L3MBTL1: variants seen among roughly 807,000 people sequenced by gnomAD.
L3MBTL1 encodes the protein lethal(3)malignant brain tumor-like protein 1.
Under a neutral mutation model 105.3 loss-of-function variants are expected in L3MBTL1, and 75 were observed. That is an observed-to-expected ratio of 0.71 (90% CI 0.59 to 0.86). The LOEUF is 0.86. Ranked by LOEUF, L3MBTL1 falls within the 40% of genes least tolerant of loss-of-function variation. The pLI is 0.00. For missense variants in L3MBTL1, 1,069 were observed against 1,126.4 expected, an observed-to-expected ratio of 0.95 and a Z score of 0.73; for synonymous variants, 452 against 436.2, an observed-to-expected ratio of 1.04 and a Z score of -0.45.
At chr20:43,514,430 G>A in intron 3 of L3MBTL1, 3 of 1,475,354 alleles carry the variant, frequency 2.0e-6, no homozygotes, top group East Asian at 5.0e-5. Flanking sequence ...GGCACCCTGG[G>A]ACTGGACCCC....
chr20:43,536,176 C>T lies in L3MBTL1; in HGVS notation c.2005C>T (p.Pro669Ser), dbSNP rs1485086157. 1.2e-6 allele frequency: 2 copies of T among 1,613,646 alleles called. No individual in the cohort carries two copies. Among genetic ancestry groups the T allele is most frequent in the Non-Finnish European group, 1.7e-6 (2 of 1,179,990 alleles). The change falls in exon 18 of 22, where the codon CCA becomes TCA. Residue 669 changes from proline (P) to serine (S), a missense_variant. Physicochemically the swap from Pro to Ser is moderately conservative, Grantham distance 74. Coordinates refer to ENST00000418998, the MANE Select transcript of L3MBTL1 (RefSeq NM_001377303.1). Reference protein sequence around the residue: ...FTAHHCLSGCPLAERNQSRLK... With the variant: ...FTAHHCLSGCSLAERNQSRLK... The stretch of plus-strand genomic sequence containing the variant: ...AGCTCACCATTGCCTCTCAGGCTGC[C>T]CACTGGCTGAGAGGAACCAGAGCCG...
chr20:43,534,545 G>A, intron 15 of L3MBTL1, 151 bp downstream of exon 15: 1 of 669,444 alleles, frequency 1.5e-6, no homozygotes, highest in Non-Finnish European at 2.6e-6. Flanking sequence ...TTATTTTTGT[G>A]GGCTTGGACA....
chr20:43,513,630 A>G lies in L3MBTL1; in HGVS notation c.127A>G (p.Ile43Val). 6.4e-7 allele frequency: 1 copy of G among 1,550,608 alleles called. No individual in the cohort carries two copies. Among genetic ancestry groups the G allele is most frequent in the East Asian group, 2.4e-5 (1 of 40,926 alleles). ...TCCTCACCTGCCCGCAACTGCCTTC[A>G]TCATTCCAGGTGAGTCAAGCTAGGG... ...SGPHLPATAF[I>V]IPASSATLGL... is the part of the protein sequence containing the mutation. The change falls in exon 2 of 22, where the codon ATC becomes GTC. Residue 43 changes from isoleucine to valine, a missense_variant. Ile to Val is a conservative substitution (Grantham distance 29). Transcript: ENST00000418998.
intron 10 of L3MBTL1, 118 bp downstream of exon 10, chr20:43,530,537 G>A (rs987302455): frequency 1.6e-5 from 19 of 1,200,320 alleles, no homozygotes; most frequent in Admixed American, 2.6e-5. Context: ...CTGTTCCAAA[G>A]CCAGCCTCTC....
At chr20:43,536,709 G>C (rs1390978026) in intron 19 of L3MBTL1, among the ~76,000 whole-genome samples, 1 of 152,142 alleles carries the variant, frequency 6.6e-6, no homozygotes, top group Non-Finnish European at 1.5e-5. Context: ...AGAGCTTCTC[G>C]GGGCCTTTGG....
At chr20:43,547,270 A>G (rs1167525370) in intron 18 of L3MBTL1, among the ~76,000 whole-genome samples, 2 of 152,052 alleles carry the variant, frequency 1.3e-5, no homozygotes, top group Non-Finnish European at 2.9e-5. Context: ...ACGCCCAGCT[A>G]ATTTTTTGTA....
At chr20:43,542,179 C>T (rs1208506972), downstream of L3MBTL1, among the ~76,000 whole-genome samples, 1 of 152,182 alleles carries the variant, frequency 6.6e-6, no homozygotes, top group South Asian at 2.1e-4. Context: ...CACTGCACTC[C>T]GGTCTGGGCA....
intron 1 of L3MBTL1, 48 bp from the exon 2 acceptor site, chr20:43,513,428 A>G: frequency 1.3e-6 from 2 of 1,502,024 alleles, no homozygotes; most frequent in African/African-American, 2.8e-5. Flanking sequence ...TTGCTGCTGT[A>G]ACAAAGGTCC....
intron 7 of L3MBTL1, among the ~76,000 whole-genome samples, chr20:43,525,817 T>C (rs1431406600): frequency 1.3e-5 from 2 of 152,118 alleles, no homozygotes; most frequent in Non-Finnish European, 2.9e-5. Context: ...AAGGAGACCA[T>C]GTATATGAAG....
At chr20:43,517,012 G>A (rs1230432315) in intron 7 of L3MBTL1, among the ~76,000 whole-genome samples, 1 of 151,878 alleles carries the variant, frequency 6.6e-6, no homozygotes, top group East Asian at 1.9e-4. Flanking sequence ...GCTCAGGCTG[G>A]TCTCGAACTC....
chr20:43,536,514 GC>G, intron 19 of L3MBTL1, 56 bp downstream of exon 19: 2 of 1,578,064 alleles, frequency 1.3e-6, no homozygotes, highest in South Asian at 2.2e-5. Flanking sequence ...CACAGCGAGT[GC>G]TCTGTCATTG....
chr20:43,514,449 T>C (rs1464541657), intron 3 of L3MBTL1, 186 bp from the exon 4 acceptor site: 35 of 1,491,362 alleles, frequency 2.3e-5, no homozygotes, highest in Admixed American at 6.5e-5. Flanking sequence ...CCGCAGGTGC[T>C]TGGGGGCGTA....
intron 10 of L3MBTL1, 177 bp from the exon 11 acceptor site, chr20:43,530,621 C>A: frequency 1.3e-6 from 1 of 774,710 alleles, no homozygotes; most frequent in Non-Finnish European, 2.1e-6. Flanking sequence ...TTGCACTTGC[C>A]CTTTGAGTGT....
intron 7 of L3MBTL1, among the ~76,000 whole-genome samples, chr20:43,524,209 T>A (rs2018895874): frequency 6.6e-6 from 1 of 152,228 alleles, no homozygotes; most frequent in Non-Finnish European, 1.5e-5. Flanking sequence ...ATGAGACAGA[T>A]TTATTTTGAT....
chr20:43,538,845 G>A (rs1205909922), intron 19 of L3MBTL1: 2 of 152,274 alleles, frequency 1.3e-5, no homozygotes, highest in East Asian at 3.9e-4. Context: ...CAGATACAGG[G>A]TTTCAGAGAG....
Position 43,532,894 on chromosome 20 carries a change from T to C in L3MBTL1, c.1406T>C (p.Phe469Ser), listed in dbSNP as rs1412476342. 6.2e-7 allele frequency: 1 copy of C among 1,613,950 alleles called. No individual in the cohort carries two copies. Among genetic ancestry groups the C allele is most frequent in the Non-Finnish European group, 8.5e-7 (1 of 1,180,014 alleles). ...DVVDSRFLVH[F>S]DNWDDTYDYW... ...GTGGACAGCCGCTTCCTGGTGCACT[T>C]TGACAACTGGGATGATACTTATGAC... Residue 469 changes from phenylalanine (F) to serine (S), a missense_variant, in exon 12 of 22, where the codon TTT becomes TCT. Coordinates refer to ENST00000418998, the MANE Select transcript of L3MBTL1 (RefSeq NM_001377303.1).
At chr20:43,512,975 G>T (rs1013218761) in intron 1 of L3MBTL1, among the ~76,000 whole-genome samples, 2 of 152,196 alleles carry the variant, frequency 1.3e-5, no homozygotes, top group Non-Finnish European at 2.9e-5. Flanking sequence ...AAAAGAACAT[G>T]ATCAGGAAAG....
intron 4 of L3MBTL1, 79 bp downstream of exon 4, chr20:43,514,855 C>T (rs1301067100): frequency 1.4e-6 from 2 of 1,456,186 alleles, no homozygotes; most frequent in East Asian, 2.5e-5. Context: ...GGTTCGGGGG[C>T]GGGGCCCGGG....
At chr20:43,517,287 G>A (rs1020907320) in intron 7 of L3MBTL1, among the ~76,000 whole-genome samples, 1 of 152,028 alleles carries the variant, frequency 6.6e-6, no homozygotes, top group East Asian at 1.9e-4. Context: ...ATAGAGACAG[G>A]GTTTCACCAT....
Sources: allele counts gnomAD v4.1 joint callset (sites outside exome capture counted in the v4.1 genomes callset), GRCh38; gene constraint gnomAD v4.1.1; transcripts MANE v1.5; gene names NCBI Gene and HGNC (gene_info 2026-07-23, HGNC 2026-07-21).